ZNF414: variants seen among roughly 807,000 people sequenced by gnomAD.
ZNF414 encodes zinc finger protein 414.
In ZNF414, 32 loss-of-function variants were observed where a neutral mutation model predicts 38.3. That is an observed-to-expected ratio of 0.83 (90% CI 0.63 to 1.12). The LOEUF is 1.12. ZNF414 is among the 50% of genes most tolerant of loss of function. The probability of loss-of-function intolerance (pLI) is 0.00; values close to 1 mark genes in which losing one functional copy is unlikely to be tolerated. For synonymous variants in ZNF414, 256 were observed against 248.0 expected, an observed-to-expected ratio of 1.03 and a Z score of -0.30; for missense variants, 589 against 557.4, an observed-to-expected ratio of 1.06 and a Z score of -0.57.
At chr19:8,512,019 C>A in intron 4 of ZNF414, 59 bp from the exon 5 acceptor site, 1 of 1,400,240 alleles carries the variant, frequency 7.1e-7, no homozygotes, top group Admixed American at 3.3e-5. Flanking sequence ...GGGAGAGTGT[C>A]CTGTGCAATG....
At position 8,513,063 on chromosome 19, in the gene ZNF414, C is replaced by A; in HGVS notation, c.282G>T (p.Glu94Asp). Residue 94 changes from glutamate to aspartate, a missense_variant, in exon 2 of 8, where the codon GAG becomes GAT. Glu to Asp is a conservative substitution (Grantham distance 45). Transcript: ENST00000393927. ...GLTSIVSGTSEDLRPPRRRPP... is the reference protein window; with the variant it reads ...GLTSIVSGTSDDLRPPRRRPP... Reference sequence around the variant, plus strand: ...GGCGTCGTCTGGGAGGCCGCAGGTCCTCGCTGGTCCCGGAGACTATGCTGG... The same window carrying A: ...GGCGTCGTCTGGGAGGCCGCAGGTCATCGCTGGTCCCGGAGACTATGCTGG... 6.7e-7 allele frequency: 1 copy of A among 1,484,230 alleles called. No individual in the cohort carries two copies. Among genetic ancestry groups the A allele is most frequent in the Non-Finnish European group, 8.9e-7 (1 of 1,118,974 alleles). The allele number at this position is 1,484,230 out of a possible 1,614,324, so 91.9% of individuals were successfully genotyped here. A position where few individuals can be genotyped will look rare whatever the true frequency, so the allele number is the denominator to read the frequency against.
chr19:8,512,236 C>T (rs1971927997), intron 4 of ZNF414, 151 bp downstream of exon 4: 2 of 1,447,160 alleles, frequency 1.4e-6, no homozygotes, highest in African/African-American at 1.4e-5. Flanking sequence ...ATGCCCCGCC[C>T]CATCCAGGGA....
chr19:8,513,087 G>A lies in ZNF414; in HGVS notation c.258C>T (p.Thr86=). 2 of 1,517,732 alleles carry A rather than the reference G, an allele frequency of 1.3e-6. No homozygotes were observed. Among genetic ancestry groups the A allele is most frequent in the East Asian group, 2.5e-5 (1 of 40,532 alleles). The allele number at this position is 1,517,732 out of a possible 1,614,324, so 94.0% of individuals were successfully genotyped here. Residue 86 remains threonine (T), a synonymous_variant, in exon 2 of 8, where the codon ACC becomes ACT. Coordinates refer to ENST00000393927, the MANE Select transcript of ZNF414 (RefSeq NM_001146175.2). ...QPGPGPSPGL[T]SIVSGTSEDL... ...CCTCGCTGGTCCCGGAGACTATGCTGGTCAGGCCAGGGCTGGGTCCGGGGC... is the reference window on the plus strand; with the variant it reads ...CCTCGCTGGTCCCGGAGACTATGCTAGTCAGGCCAGGGCTGGGTCCGGGGC...
In ZNF414 at chr19:8,511,972, C is replaced by A; in HGVS notation, c.531-12G>T. On this transcript the variant is annotated splice_polypyrimidine_tract_variant and intron_variant, in intron 4 of 7. Transcript: ENST00000393927. ...GGCAGTTCTCACACCTGGAGGTGGGCAGAGGGCTGGGCTGGGCTGGGCCTC... is the reference window on the plus strand; with the variant it reads ...GGCAGTTCTCACACCTGGAGGTGGGAAGAGGGCTGGGCTGGGCTGGGCCTC... The A allele has an allele frequency of 7.1e-7, 1 of 1,413,458 alleles. No individual in the cohort carries two copies. The highest frequency in any genetic ancestry group is 1.7e-5 in the South Asian group (1 of 59,096). 87.6% of individuals were successfully genotyped at this position (1,413,458 alleles called of 1,614,324 possible).
In ZNF414 at chr19:8,512,679, A is replaced by C; in HGVS notation, c.349T>G (p.Cys117Gly). The change falls in exon 3 of 8, where the codon TGC becomes GGC. Residue 117 changes from cysteine (C) to glycine (G), a missense_variant. Cys to Gly is a radical substitution (Grantham distance 159). Transcript: ENST00000393927. ...TCACGGACGCTGGGAAAACTGAGGCAGCAGCCAGGGCTGGAGCAAGGGATT... is the reference window on the plus strand; with the variant it reads ...TCACGGACGCTGGGAAAACTGAGGCCGCAGCCAGGGCTGGAGCAAGGGATT... ...KQIPCSSPGCCLSFPSVRDLA... is the reference protein window; with the variant it reads ...KQIPCSSPGCGLSFPSVRDLA... 1 of 1,575,366 alleles carries C rather than the reference A, an allele frequency of 6.3e-7. No individual in the cohort carries two copies. The highest frequency in any genetic ancestry group is 8.6e-7 in the Non-Finnish European group (1 of 1,161,460).
intron 1 of ZNF414, among the ~76,000 whole-genome samples, chr19:8,513,586 C>G (rs1424588391): frequency 6.6e-6 from 1 of 152,192 alleles, no homozygotes; most frequent in Non-Finnish European, 1.5e-5. Flanking sequence ...AGCCACTGCA[C>G]TGGCCCGGAT....
intron 6 of ZNF414, 76 bp from the exon 7 acceptor site, chr19:8,511,100 C>T (rs966274634): frequency 2.3e-6 from 3 of 1,285,596 alleles, no homozygotes; most frequent in Non-Finnish European, 2.0e-6. Flanking sequence ...TGGAGGACGC[C>T]GGCGAGGGTG....
At chr19:8,512,268 A>C in intron 4 of ZNF414, 119 bp downstream of exon 4, 2 of 1,467,320 alleles carry the variant, frequency 1.4e-6, no homozygotes, top group Non-Finnish European at 1.8e-6. Flanking sequence ...GGCTTCCCCA[A>C]AGGCCCACCC....
rs1389583846 is a variant in ZNF414 at position 8,511,743 on chromosome 19, TG to T, written c.747del (p.Thr250ProfsTer8). The T allele has an allele frequency of 1.4e-6, 2 of 1,452,336 alleles. No individual in the cohort carries two copies. The highest frequency in any genetic ancestry group is 9.0e-7 in the Non-Finnish European group (1 of 1,108,646). 90.0% of individuals were successfully genotyped at this position (1,452,336 alleles called of 1,614,324 possible). On this transcript the variant is annotated frameshift_variant, in exon 5 of 8. Transcript: ENST00000393927. LOFTEE classifies it high-confidence loss of function. ...TTCAAGTAGGGCAGGAACGGTCCGG[TG>T]GGGGCAGGGGCGGGGGTCGTGAAGG... The part of the protein sequence containing the change: ...LEPFTTPAPA[P>X]TGPFLPYLNP...
chr19:8,511,494 G>T lies in ZNF414; in HGVS notation c.917C>A (p.Ala306Glu). 6.2e-7 allele frequency: 1 copy of T among 1,610,212 alleles called. No homozygotes were observed. Among genetic ancestry groups the T allele is most frequent in the Non-Finnish European group, 8.5e-7 (1 of 1,178,644 alleles). Reference sequence around the variant, plus strand: ...TGGTCACCTGCACGCACCTGAGGGCGCGTCGGAGCCGCCCTGGGGTCTTCG... The same window carrying T: ...TGGTCACCTGCACGCACCTGAGGGCTCGTCGGAGCCGCCCTGGGGTCTTCG... ...SPRRPQGGSD[A>E]PSGHAAPSRI... is the part of the protein sequence containing the mutation. The change falls in exon 6 of 8, where the codon GCG becomes GAG. Residue 306 changes from alanine (A) to glutamate (E), a missense_variant. Physicochemically the swap from Ala to Glu is moderately radical, Grantham distance 107. Coordinates refer to ENST00000393927, the MANE Select transcript of ZNF414 (RefSeq NM_001146175.2).
Position 8,512,325 on chromosome 19 carries a change from C to T in ZNF414, c.530+62G>A, listed in dbSNP as rs1035013680. 3.8e-6 allele frequency: 6 copies of T among 1,591,722 alleles called. No individual in the cohort carries two copies. The Admixed American group carries it at 8.4e-5, about 22-fold the overall frequency. ...CACCCTGACCAGGAAGGGAGGAAGG[C>T]CTGGAGCCCACACATAGGGTGAGGC... On this transcript the variant is annotated intron_variant, in intron 4 of 7. Transcript: ENST00000393927.
chr19:8,513,965 G>A, intron 1 of ZNF414, 79 bp downstream of exon 1: 2 of 1,332,486 alleles, frequency 1.5e-6, no homozygotes, highest in Non-Finnish European at 1.9e-6. Flanking sequence ...GGGTCGGCCG[G>A]AGGCTGTAGG....
intron 6 of ZNF414, 79 bp downstream of exon 6, chr19:8,511,407 C>T: frequency 6.4e-7 from 1 of 1,557,348 alleles, no homozygotes; most frequent in Non-Finnish European, 8.7e-7. Context: ...AGCACTGCTG[C>T]CTCCTGGTAT....
At chr19:8,513,759 A>G (rs1242871103) in intron 1 of ZNF414, among the ~76,000 whole-genome samples, 1 of 152,112 alleles carries the variant, frequency 6.6e-6, no homozygotes, top group African/African-American at 2.4e-5. Flanking sequence ...GAGGAGCTAG[A>G]CATGGATTGT....
chr19:8,510,633 C>G lies in ZNF414; in HGVS notation c.*58G>C. ...CCACCCCAGCCCCCCTTCCCTGCAG[C>G]CCCCTCCAAATGACAAAACTACCCA... On this transcript the variant is annotated 3_prime_UTR_variant, in exon 8 of 8. Coordinates refer to ENST00000393927, the MANE Select transcript of ZNF414 (RefSeq NM_001146175.2). 1 of 1,435,376 alleles carries G rather than the reference C, an allele frequency of 7.0e-7. No individual in the cohort carries two copies. The allele number at this position is 1,435,376 out of a possible 1,614,324, so 88.9% of individuals were successfully genotyped here. A position where few individuals can be genotyped will look rare whatever the true frequency, so the allele number is the denominator to read the frequency against.
rs1018705691 is a variant in ZNF414 at position 8,509,990 on chromosome 19, T to C, written c.*701A>G. The C allele has an allele frequency of 6.6e-6, 1 of 151,678 alleles. No homozygotes were observed. The highest frequency in any genetic ancestry group is 1.5e-5 in the Non-Finnish European group (1 of 67,894). The allele number at this position is 151,678 out of a possible 1,614,324, so 9.4% of individuals were successfully genotyped here. On this transcript the variant is annotated 3_prime_UTR_variant, in exon 8 of 8. Transcript: ENST00000393927. ...GTGAGCCACTGTGCCCGGCCGGGAC[T>C]TCTTAAAAGAAAACTGGAGACCGGG...
chr19:8,513,987 C>T, intron 1 of ZNF414, 57 bp downstream of exon 1: 6 of 1,392,358 alleles, frequency 4.3e-6, no homozygotes, highest in Non-Finnish European at 5.6e-6. Context: ...GCGACAGGGC[C>T]GCTCCCCGCC....
At chr19:8,512,176 G>A (rs1368520759) in intron 4 of ZNF414, 2 of 1,426,266 alleles carry the variant, frequency 1.4e-6, no homozygotes, top group Non-Finnish European at 1.8e-6. Context: ...TTAGGCGGCC[G>A]GTTTTCCACT....
Position 8,513,172 on chromosome 19 carries a change from C to T in ZNF414, c.173G>A (p.Arg58His), listed in dbSNP as rs915948391. The change falls in exon 2 of 8, where the codon CGT (arginine) becomes CAT (histidine). Residue 58 changes from arginine to histidine, a missense_variant. By Grantham distance (29) the Arg-to-His change is conservative. Coordinates refer to ENST00000393927, the MANE Select transcript of ZNF414 (RefSeq NM_001146175.2). ...CTGCTGCATCCCTCCAGCCCCTCCACGTTCCCACACTGGCGGTGTGGCTGC... is the reference window on the plus strand; with the variant it reads ...CTGCTGCATCCCTCCAGCCCCTCCATGTTCCCACACTGGCGGTGTGGCTGC... Reference protein sequence around the residue: ...EQAATPPVWERGGAGGMQQGS... With the variant: ...EQAATPPVWEHGGAGGMQQGS... The T allele has an allele frequency of 7.7e-6, 12 of 1,555,970 alleles. No individual in the cohort carries two copies. Among genetic ancestry groups the T allele is most frequent in the Non-Finnish European group, 9.5e-6 (11 of 1,156,002 alleles).
Sources: allele counts gnomAD v4.1 joint callset (sites outside exome capture counted in the v4.1 genomes callset), GRCh38; gene constraint gnomAD v4.1.1; transcripts MANE v1.5; gene names NCBI Gene and HGNC (gene_info 2026-07-23, HGNC 2026-07-21).